MERTK: variants seen among roughly 807,000 people sequenced by gnomAD.
MERTK encodes the protein MER proto-oncogene, tyrosine kinase, also known as tyrosine-protein kinase Mer.
MERTK carries 69 observed loss-of-function variants against 99.3 expected under a neutral mutation model. That is an observed-to-expected ratio of 0.70 (90% CI 0.57 to 0.85). The LOEUF is 0.85. MERTK is among the 40% of genes least tolerant of loss of function. The pLI is 0.00. For missense variants in MERTK, 1,125 were observed against 1,249.4 expected, an observed-to-expected ratio of 0.90 and a Z score of 1.50; for synonymous variants, 426 against 467.6, an observed-to-expected ratio of 0.91 and a Z score of 1.15.
chr2:111,924,467 C>T (rs1353245955), intron 1 of MERTK, among the ~76,000 whole-genome samples: 1 of 152,090 alleles, frequency 6.6e-6, no homozygotes, highest in Non-Finnish European at 1.5e-5. Context: ...CTGTCAGCCC[C>T]CTCTTCTTGG....
At chr2:111,966,600 T>A (rs1356328324) in intron 5 of MERTK, among the ~76,000 whole-genome samples, 1 of 152,224 alleles carries the variant, frequency 6.6e-6, no homozygotes, top group Non-Finnish European at 1.5e-5. Context: ...GGTTTTATTC[T>A]ATTAGATCAT....
At chr2:111,935,172 T>C (rs1316459223) in intron 2 of MERTK, among the ~76,000 whole-genome samples, 2 of 152,222 alleles carry the variant, frequency 1.3e-5, no homozygotes, top group Non-Finnish European at 1.5e-5. Flanking sequence ...ACACTAGTTA[T>C]CAAAATGGCC....
chr2:111,969,195 G>A (rs1239967927), intron 6 of MERTK, among the ~76,000 whole-genome samples: 1 of 152,160 alleles, frequency 6.6e-6, no homozygotes, highest in Non-Finnish European at 1.5e-5. Context: ...AGGGACCACA[G>A]GGGCTTTGCA....
chr2:111,994,243 G>A lies in MERTK; in HGVS notation c.1297-8G>A, dbSNP rs772321470. ...GTTTTCATTTCCTCTCTTCCTCTCT[G>A]TCTCCAGAAAGAGCTCTTGGAGGAA... On this transcript the variant is annotated splice_polypyrimidine_tract_variant and splice_region_variant and intron_variant, in intron 8 of 18. Coordinates refer to ENST00000295408, the MANE Select transcript of MERTK (RefSeq NM_006343.3). 2 of 1,613,642 alleles carry A rather than the reference G, an allele frequency of 1.2e-6. No individual in the cohort carries two copies. Among genetic ancestry groups the A allele is most frequent in the Admixed American group, 3.3e-5 (2 of 60,016 alleles).
At chr2:111,980,173 T>C (rs987801360) in intron 7 of MERTK, among the ~76,000 whole-genome samples, 15 of 152,358 alleles carry the variant, frequency 9.8e-5, no homozygotes, top group Admixed American at 9.8e-4. Flanking sequence ...GCTGCTGATA[T>C]TCTAGTAGCC....
chr2:111,908,954 A>G (rs1684191049), intron 1 of MERTK, among the ~76,000 whole-genome samples: 1 of 152,262 alleles, frequency 6.6e-6, no homozygotes, highest in South Asian at 2.1e-4. Flanking sequence ...TTAAAAAATG[A>G]ACAAGTGATC....
At chr2:112,007,574 T>G (rs1677009043) in intron 13 of MERTK, among the ~76,000 whole-genome samples, 1 of 152,204 alleles carries the variant, frequency 6.6e-6, no homozygotes, top group Non-Finnish European at 1.5e-5. Context: ...TTTGACTCTC[T>G]AGGTACTTCA....
chr2:111,945,123 G>A, intron 3 of MERTK, 63 bp downstream of exon 3: 1 of 1,301,858 alleles, frequency 7.7e-7, no homozygotes, highest in Non-Finnish European at 1.1e-6. Context: ...TGTGTTAAAT[G>A]TTTTGTGTAT....
chr2:111,903,112 C>T (rs925707556), intron 1 of MERTK, among the ~76,000 whole-genome samples: 30 of 151,978 alleles, frequency 2.0e-4, no homozygotes, highest in African/African-American at 7.3e-4. Flanking sequence ...CCTCCACTGT[C>T]CCCCCACCAC....
At chr2:111,934,952 G>A (rs1684738723) in intron 2 of MERTK, among the ~76,000 whole-genome samples, 1 of 152,086 alleles carries the variant, frequency 6.6e-6, no homozygotes, top group Non-Finnish European at 1.5e-5. Context: ...TAATGGCCCA[G>A]AGCTTTGGTT....
At chr2:111,987,288 T>A (rs558725742) in intron 8 of MERTK, among the ~76,000 whole-genome samples, 6 of 152,316 alleles carry the variant, frequency 3.9e-5, no homozygotes, top group Middle Eastern at 3.4e-3. Context: ...CCCGCAACAG[T>A]CATGTCACTT....
intron 5 of MERTK, among the ~76,000 whole-genome samples, chr2:111,965,573 A>G (rs1291853689): frequency 6.6e-6 from 1 of 152,204 alleles, no homozygotes; most frequent in Admixed American, 6.5e-5. Context: ...TGCTTACTCC[A>G]AGAAGAAAAC....
At chr2:112,014,463 TG>T (rs1677176126) in intron 15 of MERTK, among the ~76,000 whole-genome samples, 1 of 151,976 alleles carries the variant, frequency 6.6e-6, no homozygotes, top group Non-Finnish European at 1.5e-5. Context: ...CGTGCCTAGC[TG>T]TTACGTTGTA....
chr2:111,946,954 C>A (rs1684970658), intron 3 of MERTK, among the ~76,000 whole-genome samples: 1 of 152,168 alleles, frequency 6.6e-6, no homozygotes, highest in South Asian at 2.1e-4. Context: ...TTAATACAGA[C>A]CTGCCTGAGG....
rs550664791 is a variant in MERTK at position 111,960,043 on chromosome 2, CAA to C, written c.758-5147_758-5146del. On this transcript the variant is annotated intron_variant, in intron 4 of 18. Coordinates refer to ENST00000295408, the MANE Select transcript of MERTK (RefSeq NM_006343.3). ...AGATAATGAGAATTAAAAGAGCAAA[CAA>C]TATATTATTATTATGAAAATAGTTT... Among the ~76,000 whole-genome samples the C allele has an allele frequency of 2.9e-3, 436 of 152,120 alleles. 3 individuals carry two copies. The highest frequency in any genetic ancestry group is 6.3e-3 in the African/African-American group (262 of 41,480).
At chr2:111,993,077 G>A (rs990469710) in intron 8 of MERTK, among the ~76,000 whole-genome samples, 6 of 152,122 alleles carry the variant, frequency 3.9e-5, no homozygotes, top group African/African-American at 1.4e-4. Flanking sequence ...TTTTGGTAGG[G>A]AAAAATTCTC....
At chr2:111,966,400 G>A (rs1685358798) in intron 5 of MERTK, among the ~76,000 whole-genome samples, 1 of 152,196 alleles carries the variant, frequency 6.6e-6, no homozygotes, top group Admixed American at 6.5e-5. Flanking sequence ...ACTGGAGGAA[G>A]TGTATAACTT....
Position 112,028,371 on chromosome 2 carries a change from G to C in MERTK, c.2507G>C (p.Cys836Ser). ...TTCAGGTATGAAATAATGTACTCTT[G>C]CTGGAGAACCGATCCCTTAGACCGC... is the stretch of plus-strand genomic sequence containing the variant. ...LDELYEIMYS[C>S]WRTDPLDRPT... Residue 836 changes from cysteine (C) to serine (S), a missense_variant, in exon 19 of 19, where the codon TGC (cysteine) becomes TCC (serine). Physicochemically the swap from Cys to Ser is moderately radical, Grantham distance 112. Coordinates refer to ENST00000295408, the MANE Select transcript of MERTK (RefSeq NM_006343.3). The C allele has an allele frequency of 6.2e-7, 1 of 1,614,178 alleles. No homozygotes were observed. Among genetic ancestry groups the C allele is most frequent in the Middle Eastern group, 1.6e-4 (1 of 6,062 alleles).
chr2:111,961,608 A>G (rs1034696160), intron 4 of MERTK, among the ~76,000 whole-genome samples: 1 of 152,154 alleles, frequency 6.6e-6, no homozygotes, highest in African/African-American at 2.4e-5. Context: ...AAGAAATGAA[A>G]GGTTACCACC....
Sources: allele counts gnomAD v4.1 joint callset (sites outside exome capture counted in the v4.1 genomes callset), GRCh38; gene constraint gnomAD v4.1.1; transcripts MANE v1.5; gene names NCBI Gene and HGNC (gene_info 2026-07-23, HGNC 2026-07-21).